The following TRMT1 variants were observed in gnomAD, a reference collection of about 807,000 sequenced individuals.
The protein encoded by TRMT1 is tRNA methyltransferase 1, also known as tRNA (guanine(26)-N(2))-dimethyltransferase.
Under a neutral mutation model 75.4 loss-of-function variants are expected in TRMT1, and 63 were observed. The ratio of observed to expected loss-of-function variants is 0.84; its 90% confidence interval spans 0.68 to 1.03. The LOEUF is 1.03. Among genes scored for constraint, TRMT1 ranks in the 50% least tolerant of loss-of-function variants. The pLI is 0.00. For missense variants in TRMT1, 870 were observed against 905.3 expected (o/e 0.96, Z 0.50); for synonymous variants, 382 against 358.1 (o/e 1.07, Z -0.75).
At chr19:13,116,086 C>G (rs74437885) in intron 2 of TRMT1, 34 bp from the exon 3 acceptor site, 1 of 1,613,736 alleles carries the variant, frequency 6.2e-7, no homozygotes, top group African/African-American at 1.3e-5. Context: ...TCATACCCCG[C>G]CCCCGCCATC....
At position 13,109,367 on chromosome 19, in the gene TRMT1, C is replaced by T; in HGVS notation, c.1397+14G>A. The T allele has an allele frequency of 6.2e-7, 1 of 1,612,190 alleles. No individual in the cohort carries two copies. Among genetic ancestry groups the T allele is most frequent in the South Asian group, 1.1e-5 (1 of 90,966 alleles). On this transcript the variant is annotated intron_variant, in intron 12 of 16. Transcript: ENST00000357720. ...GGTCTGGGACAGGCTCCTCCCGACC[C>T]CAGGGGCTCTTACCGCAACTGCAGG...
At chr19:13,111,058 G>C (rs776059679) in intron 7 of TRMT1, among the ~76,000 whole-genome samples, 1 of 152,196 alleles carries the variant, frequency 6.6e-6, no homozygotes, top group Non-Finnish European at 1.5e-5. Context: ...GGACCCTTTA[G>C]GAACAAGGGC....
At chr19:13,111,612 GCTCTTGAACACCTGAC>G (rs926191898) in intron 7 of TRMT1, among the ~76,000 whole-genome samples, 6 of 147,426 alleles carry the variant, frequency 4.1e-5, no homozygotes, top group African/African-American at 7.6e-5. Flanking sequence ...TGGCCAGGGT[GCTCTTGAACACCTGAC>G]CTCTTGAACA....
chr19:13,115,962 A>AC lies in TRMT1; in HGVS notation c.310+34dup, dbSNP rs764015346. The stretch of plus-strand genomic sequence containing the variant: ...CCAGGCAGGGAGATAAACTTGTGTG[A>AC]CCCCCGCCCACCAGAAGCCTGGACC... On this transcript the variant is annotated intron_variant, in intron 3 of 16. Transcript: ENST00000357720. The AC allele has an allele frequency of 4.3e-6, 7 of 1,613,130 alleles. No individual in the cohort carries two copies. In the African/African-American group the frequency reaches 5.4e-5, roughly 12 times the overall value.
At chr19:13,110,406 C>G in intron 7 of TRMT1, 100 bp from the exon 8 acceptor site, 1 of 1,381,620 alleles carries the variant, frequency 7.2e-7, no homozygotes. Flanking sequence ...GGCCAGCTCC[C>G]TGGGATCCAA....
intron 7 of TRMT1, among the ~76,000 whole-genome samples, chr19:13,110,713 A>G (rs943553735): frequency 8.5e-5 from 13 of 152,310 alleles, no homozygotes; most frequent in Non-Finnish European, 1.8e-4. Context: ...CATGCCTGTA[A>G]TCCCAGCACT....
chr19:13,113,605 A>C (rs1337180293), intron 5 of TRMT1, among the ~76,000 whole-genome samples: 1 of 146,918 alleles, frequency 6.8e-6, no homozygotes, highest in African/African-American at 2.4e-5. Flanking sequence ...ATGTATTAAC[A>C]CATTTTTTTT....
chr19:13,111,876 T>C (rs1390629618), intron 7 of TRMT1, among the ~76,000 whole-genome samples: 1 of 151,304 alleles, frequency 6.6e-6, no homozygotes, highest in Non-Finnish European at 1.5e-5. Flanking sequence ...AGTTTTTGTA[T>C]GTTTAGTGGA....
intron 5 of TRMT1, among the ~76,000 whole-genome samples, chr19:13,113,759 G>A (rs368671941): frequency 6.6e-6 from 1 of 151,636 alleles, no homozygotes; most frequent in East Asian, 1.9e-4. Context: ...ACAGGCACGT[G>A]CCACCATGCC....
intron 7 of TRMT1, among the ~76,000 whole-genome samples, chr19:13,110,800 A>T (rs906544207): frequency 6.6e-6 from 1 of 152,066 alleles, no homozygotes; most frequent in Non-Finnish European, 1.5e-5. Context: ...AATACAAAAA[A>T]TTAGCTGGGT....
chr19:13,109,127 T>C (rs1296095681), intron 12 of TRMT1, among the ~76,000 whole-genome samples: 1 of 151,350 alleles, frequency 6.6e-6, no homozygotes, highest in East Asian at 1.9e-4. Flanking sequence ...CGTATGTATG[T>C]GTGTGTATAT....
Position 13,105,252 on chromosome 19 carries a change from G to A in TRMT1, c.1833+15C>T. On this transcript the variant is annotated intron_variant, in intron 16 of 16. Transcript: ENST00000357720. Reference sequence around the variant, plus strand: ...CATGTGTCCTGCAGTGGAGGAAAGGGAGGAGGGACCTCACCTCCTTAAACC... The same window carrying A: ...CATGTGTCCTGCAGTGGAGGAAAGGAAGGAGGGACCTCACCTCCTTAAACC... The A allele has an allele frequency of 5.0e-6, 8 of 1,609,474 alleles. No individual in the cohort carries two copies. The highest frequency in any genetic ancestry group is 6.8e-6 in the Non-Finnish European group (8 of 1,177,252).
In TRMT1 at chr19:13,110,044, G is replaced by C. The variant is rs371815198; in HGVS notation, c.1020-43C>G. Reference sequence around the variant, plus strand: ...GGCCACGAGTTCCCAGCGTGACCACGACACCCCAACTCCTCCCTTAGACTG... The same window carrying C: ...GGCCACGAGTTCCCAGCGTGACCACCACACCCCAACTCCTCCCTTAGACTG... On this transcript the variant is annotated intron_variant, in intron 8 of 16. Transcript: ENST00000357720. The C allele has an allele frequency of 3.1e-6, 5 of 1,612,304 alleles. No homozygotes were observed. The South Asian group carries it at 5.5e-5, about 18-fold the overall frequency.
chr19:13,112,559 G>A (rs1430221584), intron 7 of TRMT1, 146 bp downstream of exon 7: 5 of 686,380 alleles, frequency 7.3e-6, no homozygotes, highest in East Asian at 2.6e-5. Context: ...TTGAAGACAC[G>A]CCTGTCGTTA....
chr19:13,116,273 G>T lies in TRMT1; in HGVS notation c.127C>A (p.Pro43Thr). 1 of 1,614,146 alleles carries T rather than the reference G, an allele frequency of 6.2e-7. No homozygotes were observed. Among genetic ancestry groups the T allele is most frequent in the Non-Finnish European group, 8.5e-7 (1 of 1,180,030 alleles). The change falls in exon 2 of 17, where the codon CCC becomes ACC. Residue 43 changes from proline (P) to threonine (T), a missense_variant. Pro to Thr is a conservative substitution (Grantham distance 38). Coordinates refer to ENST00000357720, the MANE Select transcript of TRMT1 (RefSeq NM_001136035.4). ...NTAAMENGTG[P>T]YGEERPREVQ... ...TCACGTGGACGTTCTTCTCCGTAGG[G>T]CCCGGTGCCGTTCTCCATCGCTGCT...
intron 14 of TRMT1, 47 bp from the exon 15 acceptor site, chr19:13,105,653 C>A: frequency 6.4e-7 from 1 of 1,566,582 alleles, no homozygotes; most frequent in Non-Finnish European, 8.7e-7. Context: ...AGCTGCCACA[C>A]GAGTGTGTCC....
intron 12 of TRMT1, 87 bp downstream of exon 12, chr19:13,109,294 G>A (rs570198898): frequency 1.0e-5 from 15 of 1,488,022 alleles, no homozygotes; most frequent in Admixed American, 1.8e-5. Context: ...CCACCCCCTC[G>A]CAAGTTCTAT....
At chr19:13,111,293 C>G (rs1230893380) in intron 7 of TRMT1, among the ~76,000 whole-genome samples, 1 of 152,160 alleles carries the variant, frequency 6.6e-6, no homozygotes, top group Non-Finnish European at 1.5e-5. Flanking sequence ...ACCTTGGCCT[C>G]CGAAAGTGCT....
chr19:13,115,267 C>A lies in TRMT1; in HGVS notation c.641+12G>T. On this transcript the variant is annotated intron_variant, in intron 5 of 16. Coordinates refer to ENST00000357720, the MANE Select transcript of TRMT1 (RefSeq NM_001136035.4). ...CTTGTCCCAGAGCTAGGCTGTGATG[C>A]CCAGAACCTACCGGGCATCTGCTTG... 2 of 1,605,148 alleles carry A rather than the reference C, an allele frequency of 1.2e-6. No homozygotes were observed. Among genetic ancestry groups the A allele is most frequent in the Middle Eastern group, 1.7e-4 (1 of 6,016 alleles).
Sources: gnomAD v4.1 joint callset for allele counts (sites outside exome capture counted in the v4.1 genomes callset) on GRCh38, gnomAD v4.1.1 for gene constraint, MANE v1.5 for transcripts, NCBI Gene and HGNC (gene_info 2026-07-23, HGNC 2026-07-21) for gene names.